Variants in TDRD10 observed in about 807,000 individuals in gnomAD.
TDRD10 encodes tudor domain containing 10.
A neutral mutation model predicts 48.0 loss-of-function variants in TDRD10; 40 were observed. The observed-to-expected ratio is 0.83, with a 90% CI of 0.65 to 1.09. The LOEUF is 1.09. TDRD10 is among the 50% of genes least tolerant of loss of function. The pLI is 0.00. For synonymous variants in TDRD10, 162 were observed against 170.4 expected, an observed-to-expected ratio of 0.95 and a Z score of 0.38; for missense variants, 378 against 434.7, an observed-to-expected ratio of 0.87 and a Z score of 1.16.
At chr1:154,540,783 A>C (rs1192919663) in intron 6 of TDRD10, among the ~76,000 whole-genome samples, 4 of 152,134 alleles carry the variant, frequency 2.6e-5, no homozygotes, top group African/African-American at 2.4e-5. Flanking sequence ...GAGAAGGTGG[A>C]TGGGGAGAGG....
At position 154,544,837 on chromosome 1, in the gene TDRD10, GTTCA is replaced by G. The variant is rs776981966; in HGVS notation, c.843_846del (p.Phe281LeufsTer17). On this transcript the variant is annotated frameshift_variant, in exon 11 of 13. Coordinates refer to ENST00000368482, the MANE Select transcript of TDRD10 (RefSeq NM_182499.4). LOFTEE classifies it high-confidence loss of function. ...GGGTGGACACCTGGGCTGTGGTCAT[GTTCA>G]TTGATTTTGGACAGTTGGCCACCAT... 6.2e-7 allele frequency: 1 copy of G among 1,614,200 alleles called. No individual in the cohort carries two copies. The highest frequency in any genetic ancestry group is 8.5e-7 in the Non-Finnish European group (1 of 1,180,036).
intron 6 of TDRD10, among the ~76,000 whole-genome samples, chr1:154,532,235 C>T (rs1242913707): frequency 6.6e-6 from 1 of 152,164 alleles, no homozygotes; most frequent in African/African-American, 2.4e-5. Context: ...CAAGCCCTGC[C>T]CTGCGGGGAG....
intron 6 of TDRD10, among the ~76,000 whole-genome samples, chr1:154,527,008 C>T (rs12406822): frequency 0.19 from 29,030 of 152,088 alleles, 3,041 homozygotes; most frequent in South Asian, 0.23. Context: ...CTTCTGGGTT[C>T]AAGCAATTCT....
chr1:154,520,976 C>G (rs1186887010), intron 5 of TDRD10, among the ~76,000 whole-genome samples: 1 of 152,154 alleles, frequency 6.6e-6, no homozygotes, highest in African/African-American at 2.4e-5. Context: ...TGGGCTCAAG[C>G]GATCCGCCTG....
At chr1:154,533,465 G>A (rs566695828) in intron 6 of TDRD10, among the ~76,000 whole-genome samples, 6 of 150,888 alleles carry the variant, frequency 4.0e-5, no homozygotes, top group South Asian at 2.1e-4. Flanking sequence ...TCATCACCAC[G>A]TTGTACCCTG....
chr1:154,539,663 G>A (rs556909971), intron 6 of TDRD10, among the ~76,000 whole-genome samples: 3 of 152,302 alleles, frequency 2.0e-5, no homozygotes, highest in Non-Finnish European at 4.4e-5. Flanking sequence ...TTTACTGAGA[G>A]CTTAATATGC....
chr1:154,533,361 T>C (rs1385906844), intron 6 of TDRD10, among the ~76,000 whole-genome samples: 2 of 151,456 alleles, frequency 1.3e-5, no homozygotes, highest in East Asian at 3.9e-4. Flanking sequence ...GGGTTTTTTT[T>C]TTTTTTTTTT....
chr1:154,521,472 C>A lies in TDRD10; in HGVS notation c.362C>A (p.Ala121Asp). The stretch of plus-strand genomic sequence containing the variant: ...CCTGATATGATCCAGCAGCCTCGGG[C>A]CCCGCTGGTATGTCTTCTGGCCTTT... ...RTPDMIQQPR[A>D]PLVLEKASGE... The change falls in exon 6 of 13, where the codon GCC becomes GAC. Residue 121 changes from alanine (A) to aspartate (D), a missense_variant. Ala to Asp is a moderately radical substitution (Grantham distance 126). Transcript: ENST00000368482. 2 of 1,613,700 alleles carry A rather than the reference C, an allele frequency of 1.2e-6. No individual in the cohort carries two copies. The highest frequency in any genetic ancestry group is 1.7e-6 in the Non-Finnish European group (2 of 1,179,978).
intron 4 of TDRD10, chr1:154,509,968 C>A: frequency 1.6e-6 from 1 of 644,306 alleles, no homozygotes; most frequent in Non-Finnish European, 1.9e-6. Flanking sequence ...CCATACTGTC[C>A]CACACCATGG....
At chr1:154,540,178 C>A (rs1343414446) in intron 6 of TDRD10, among the ~76,000 whole-genome samples, 1 of 152,148 alleles carries the variant, frequency 6.6e-6, no homozygotes, top group Non-Finnish European at 1.5e-5. Context: ...ATTGTGGGGG[C>A]AGGTGCCACA....
intron 11 of TDRD10, among the ~76,000 whole-genome samples, chr1:154,546,748 C>T (rs1380820712): frequency 6.6e-6 from 1 of 152,168 alleles, no homozygotes; most frequent in Non-Finnish European, 1.5e-5. Context: ...CCAGAGTCCC[C>T]AACCCAGAGA....
At chr1:154,510,918 C>T (rs1468631863) in intron 4 of TDRD10, among the ~76,000 whole-genome samples, 7 of 151,002 alleles carry the variant, frequency 4.6e-5, no homozygotes, top group Admixed American at 1.3e-4. Flanking sequence ...TGGTGGTGGG[C>T]GCCTGTAGTC....
intron 5 of TDRD10, among the ~76,000 whole-genome samples, chr1:154,520,868 G>T (rs960312033): frequency 3.3e-5 from 5 of 152,136 alleles, no homozygotes; most frequent in African/African-American, 1.2e-4. Context: ...CTCCGAAGTA[G>T]CTGGGACTAC....
intron 4 of TDRD10, among the ~76,000 whole-genome samples, chr1:154,514,626 G>A (rs1020225837): frequency 9.2e-5 from 14 of 152,050 alleles, no homozygotes; most frequent in Admixed American, 4.6e-4. Context: ...CTCGCACCCC[G>A]GCCAACCCAC....
rs541008286 is a variant in TDRD10, at chr1:154,537,977, G to A, written c.370-4047G>A. Among the ~76,000 whole-genome samples the A allele has an allele frequency of 3.9e-5, 6 of 152,326 alleles. No homozygotes were observed. The East Asian group carries it at 9.6e-4, about 24-fold the overall frequency. On this transcript the variant is annotated intron_variant, in intron 6 of 12. Transcript: ENST00000368482. The stretch of plus-strand genomic sequence containing the variant: ...CTATTGAGGTGCTGCCTTGATGTCT[G>A]TGGCTTCCGTGTGGCCACCTTTGTA...
chr1:154,504,644 T>C (rs1693043134), intron 1 of TDRD10, among the ~76,000 whole-genome samples: 1 of 152,364 alleles, frequency 6.6e-6, no homozygotes, highest in Non-Finnish European at 1.5e-5. Flanking sequence ...AGAGCATCTT[T>C]TCATGTGCTT....
chr1:154,509,157 TTAAAGA>T (rs1217681139), intron 4 of TDRD10, among the ~76,000 whole-genome samples: 8 of 149,792 alleles, frequency 5.3e-5, no homozygotes, highest in African/African-American at 2.0e-4. Flanking sequence ...TCTGGCATGC[TTAAAGA>T]TAAACAACCT....
chr1:154,532,557 C>T (rs554857396), intron 6 of TDRD10, among the ~76,000 whole-genome samples: 23 of 152,314 alleles, frequency 1.5e-4, no homozygotes, highest in South Asian at 8.3e-4. Flanking sequence ...TCCTCAAGCG[C>T]GGCCAGAATG....
chr1:154,520,425 C>A (rs776420257), intron 5 of TDRD10, 51 bp downstream of exon 5: 7 of 1,490,794 alleles, frequency 4.7e-6, no homozygotes, highest in Non-Finnish European at 4.7e-6. Context: ...CCTTTCCTCC[C>A]TGTCCATTTT....
Sources: allele counts gnomAD v4.1 joint callset (sites outside exome capture counted in the v4.1 genomes callset), GRCh38; gene constraint gnomAD v4.1.1; transcripts MANE v1.5; gene names NCBI Gene and HGNC (gene_info 2026-07-23, HGNC 2026-07-21).